The following NRG1 variants were observed in gnomAD, a reference collection of about 807,000 sequenced individuals.
NRG1 encodes neuregulin 1, also known as pro-neuregulin-1, membrane-bound isoform.
Under a neutral mutation model 63.8 loss-of-function variants are expected in NRG1, and 18 were observed. That is an observed-to-expected ratio of 0.28 (90% CI 0.19 to 0.42). NRG1 has a LOEUF of 0.42. NRG1 is among the 10% of genes least tolerant of loss of function. The probability of loss-of-function intolerance (pLI) is 1.00; values close to 1 mark genes in which losing one functional copy is unlikely to be tolerated. For missense variants in NRG1, 762 were observed against 814.7 expected (o/e 0.94, Z 0.79); for synonymous variants, 302 against 301.3 (o/e 1.00, Z -0.02).
intron 5 of NRG1, among the ~76,000 whole-genome samples, chr8:32,715,277 T>C (rs1818891751): frequency 1.3e-5 from 2 of 152,206 alleles, no homozygotes; most frequent in South Asian, 4.1e-4. Flanking sequence ...TTTTATAACA[T>C]GTCTCTGGTA....
chr8:32,449,503 G>A (rs570969144), intron 1 of NRG1, among the ~76,000 whole-genome samples: 3 of 151,764 alleles, frequency 2.0e-5, no homozygotes, highest in Non-Finnish European at 4.4e-5. Context: ...ACTTCTTTGA[G>A]ATTTAAAAAC....
chr8:31,839,575 T>C (rs1429227595), intron 1 of NRG1, among the ~76,000 whole-genome samples: 3 of 152,146 alleles, frequency 2.0e-5, no homozygotes, highest in Non-Finnish European at 4.4e-5. Flanking sequence ...GTGCCCAAAC[T>C]AGAAAACCTT....
intron 1 of NRG1, among the ~76,000 whole-genome samples, chr8:31,689,431 A>G (rs1369611833): frequency 6.6e-6 from 1 of 152,162 alleles, no homozygotes; most frequent in Non-Finnish European, 1.5e-5. Context: ...TTTAATTTCT[A>G]TAGTATTTAT....
chr8:32,453,994 C>T (rs558855689), intron 1 of NRG1, among the ~76,000 whole-genome samples: 1 of 152,162 alleles, frequency 6.6e-6, no homozygotes, highest in Non-Finnish European at 1.5e-5. Flanking sequence ...AAGAAGATAG[C>T]CTGTATATTC....
intron 1 of NRG1, among the ~76,000 whole-genome samples, chr8:32,018,234 C>A (rs9656753): frequency 0.02 from 3,061 of 152,260 alleles, 46 homozygotes; most frequent in Non-Finnish European, 0.033. Flanking sequence ...CCTTCCTATA[C>A]TTCTGTCTAA....
intron 1 of NRG1, among the ~76,000 whole-genome samples, chr8:31,998,612 A>T (rs566274098): frequency 6.6e-5 from 10 of 152,112 alleles, no homozygotes; most frequent in African/African-American, 1.4e-4. Flanking sequence ...TCATGAGTCA[A>T]TAGGAACTTT....
At chr8:32,227,904 A>G (rs1846504120) in intron 1 of NRG1, among the ~76,000 whole-genome samples, 1 of 152,206 alleles carries the variant, frequency 6.6e-6, no homozygotes, top group South Asian at 2.1e-4. Context: ...GTTCAGAAAT[A>G]CGAGGTTTGT....
chr8:32,326,281 T>C (rs941409414), intron 1 of NRG1, among the ~76,000 whole-genome samples: 3 of 151,160 alleles, frequency 2.0e-5, no homozygotes, highest in Non-Finnish European at 4.4e-5. Context: ...GTGCTGAGAT[T>C]ACAGGTGTGA....
intron 7 of NRG1, among the ~76,000 whole-genome samples, chr8:32,745,914 C>G (rs1417126861): frequency 1.3e-5 from 2 of 152,164 alleles, no homozygotes; most frequent in Admixed American, 1.3e-4. Flanking sequence ...TATTCTCACA[C>G]TGAGTAAATT....
At chr8:31,720,386 CAT>C (rs1200496743) in intron 1 of NRG1, among the ~76,000 whole-genome samples, 3 of 152,130 alleles carry the variant, frequency 2.0e-5, no homozygotes, top group Non-Finnish European at 4.4e-5. Flanking sequence ...CATACGTAAA[CAT>C]GTGTCACGGT....
intron 1 of NRG1, among the ~76,000 whole-genome samples, chr8:32,586,130 T>G (rs1841564138): frequency 6.8e-6 from 1 of 146,968 alleles, no homozygotes; most frequent in African/African-American, 2.5e-5. Context: ...CAGCTATTAT[T>G]ATTCAAAGGT....
chr8:32,197,974 A>ATG (rs1554649903), intron 1 of NRG1, among the ~76,000 whole-genome samples: 2 of 151,872 alleles, frequency 1.3e-5, no homozygotes, highest in African/African-American at 2.4e-5. Flanking sequence ...ACACGCATGC[A>ATG]CGCGCACACA....
At chr8:32,593,838 A>G (rs1842908489) in intron 1 of NRG1, among the ~76,000 whole-genome samples, 1 of 149,030 alleles carries the variant, frequency 6.7e-6, no homozygotes. Flanking sequence ...TTCAGAAAAA[A>G]ATATTTTCAA....
At chr8:32,215,388 G>A (rs920018590) in intron 1 of NRG1, among the ~76,000 whole-genome samples, 8 of 152,178 alleles carry the variant, frequency 5.3e-5, no homozygotes, top group Non-Finnish European at 1.0e-4. Context: ...CCTTCTAGCT[G>A]TTAACACCTC....
intron 1 of NRG1, among the ~76,000 whole-genome samples, chr8:31,859,941 C>T (rs1828314852): frequency 1.3e-5 from 2 of 151,956 alleles, no homozygotes; most frequent in Non-Finnish European, 2.9e-5. Flanking sequence ...AGTTTTTTTT[C>T]CCAGCTCAGT....
At chr8:32,482,425 T>TGTGTGTGTGTGTGTGTGTGTG (rs1554555725) in intron 1 of NRG1, among the ~76,000 whole-genome samples, 1 of 150,692 alleles carries the variant, frequency 6.6e-6, no homozygotes, top group African/African-American at 2.4e-5. Context: ...TGTGTGTGTG[T>TGTGTGTGTGTGTGTGTGTGTG]TCTCTGGTAT....
At chr8:32,551,398 C>T (rs188091941) in intron 1 of NRG1, among the ~76,000 whole-genome samples, 2 of 152,334 alleles carry the variant, frequency 1.3e-5, no homozygotes, top group African/African-American at 2.4e-5. Context: ...CCAAGCCTCT[C>T]TTCAGCTGTT....
At position 32,334,444 on chromosome 8, in the gene NRG1, T is replaced by C. The variant is rs138763865; in HGVS notation, c.38-261384T>C. On this transcript the variant is annotated intron_variant, in intron 1 of 10. Transcript: ENST00000519301. ...AAATATCCTCTGAGGTCCCTGATTA[T>C]CCAGACATTGACAAAAGAAAGGCTC... is the stretch of plus-strand genomic sequence containing the variant. Among the ~76,000 whole-genome samples, 270 of 152,284 alleles carry C rather than the reference T, an allele frequency of 1.8e-3. 1 individual carries two copies. The highest frequency in any genetic ancestry group is 9.9e-3 in the South Asian group (48 of 4,828).
chr8:31,893,770 A>G (rs1831338667), intron 1 of NRG1, among the ~76,000 whole-genome samples: 1 of 151,964 alleles, frequency 6.6e-6, no homozygotes, highest in Admixed American at 6.6e-5. Context: ...TGTGACTTAT[A>G]AAAATATATA....
Sources: allele counts gnomAD v4.1 joint callset (sites outside exome capture counted in the v4.1 genomes callset), GRCh38; gene constraint gnomAD v4.1.1; transcripts MANE v1.5; gene names NCBI Gene and HGNC (gene_info 2026-07-23, HGNC 2026-07-21).